The following EEPD1 variants were observed in gnomAD, a reference collection of about 807,000 sequenced individuals.
EEPD1 encodes endonuclease/exonuclease/phosphatase family domain-containing protein 1.
EEPD1 carries 17 observed loss-of-function variants against 46.3 expected under a neutral mutation model. The ratio of observed to expected loss-of-function variants is 0.37; its 90% CI spans 0.25 to 0.55. The LOEUF (loss-of-function observed/expected upper bound fraction) is 0.55. Ranked by LOEUF, EEPD1 falls within the 20% of genes least tolerant of loss-of-function variation. The probability of loss-of-function intolerance (pLI) is 0.83; values close to 1 mark genes in which losing one functional copy is unlikely to be tolerated. For missense variants in EEPD1, 673 were observed against 745.6 expected, an observed-to-expected ratio of 0.90 and a Z score of 1.13; for synonymous variants, 313 against 315.6, an observed-to-expected ratio of 0.99 and a Z score of 0.09.
At chr7:36,221,084 C>T (rs535982259) in intron 2 of EEPD1, among the ~76,000 whole-genome samples, 1 of 152,362 alleles carries the variant, frequency 6.6e-6, no homozygotes, top group South Asian at 2.1e-4. Flanking sequence ...GTTTAGATTA[C>T]AGGCGTGAGC....
intron 2 of EEPD1, among the ~76,000 whole-genome samples, chr7:36,218,623 T>C (rs1786076021): frequency 6.6e-6 from 1 of 152,090 alleles, no homozygotes; most frequent in Admixed American, 6.5e-5. Flanking sequence ...CAGTGTGAGA[T>C]TGTGAATTGT....
intron 2 of EEPD1, among the ~76,000 whole-genome samples, chr7:36,208,793 G>C (rs1171325680): frequency 1.3e-5 from 2 of 152,226 alleles, no homozygotes; most frequent in African/African-American, 4.8e-5. Context: ...ATTAGAGGCA[G>C]TGATGCTTCA....
intron 3 of EEPD1, among the ~76,000 whole-genome samples, chr7:36,247,399 A>G (rs1175667394): frequency 6.6e-6 from 1 of 152,204 alleles, no homozygotes; most frequent in Non-Finnish European, 1.5e-5. Context: ...AGTGTTATTC[A>G]CTATGATTTG....
chr7:36,177,546 C>G (rs1253609360), intron 2 of EEPD1, among the ~76,000 whole-genome samples: 2 of 152,198 alleles, frequency 1.3e-5, no homozygotes, highest in Admixed American at 6.5e-5. Flanking sequence ...CGTTAATTCA[C>G]TTAGGATAAT....
intron 6 of EEPD1, among the ~76,000 whole-genome samples, chr7:36,289,619 C>T (rs181743730): frequency 0.013 from 1,995 of 152,300 alleles, 53 homozygotes; most frequent in African/African-American, 0.046. Context: ...CTCAGCCTCC[C>T]GAGTAGCTGG....
intron 2 of EEPD1, among the ~76,000 whole-genome samples, chr7:36,226,779 A>C (rs967533777): frequency 3.9e-5 from 6 of 152,234 alleles, no homozygotes; most frequent in African/African-American, 1.4e-4. Context: ...ATAGATAGTA[A>C]CAAGAAGACT....
chr7:36,222,190 G>A (rs1335187864), intron 2 of EEPD1, among the ~76,000 whole-genome samples: 1 of 152,090 alleles, frequency 6.6e-6, no homozygotes, highest in Admixed American at 6.5e-5. Flanking sequence ...CTGATAACCT[G>A]ATAGTCAATT....
chr7:36,292,310 T>G (rs1787456260), intron 6 of EEPD1, among the ~76,000 whole-genome samples: 1 of 152,246 alleles, frequency 6.6e-6, no homozygotes, highest in Non-Finnish European at 1.5e-5. Context: ...TCCAGCTGTT[T>G]TCTCTTAGAA....
intron 6 of EEPD1, among the ~76,000 whole-genome samples, chr7:36,294,905 C>T (rs1310844694): frequency 6.6e-6 from 1 of 152,110 alleles, no homozygotes; most frequent in Non-Finnish European, 1.5e-5. Flanking sequence ...AGGTCAGGCA[C>T]GGTGGCTCAC....
At chr7:36,173,700 C>T (rs1785128798) in intron 2 of EEPD1, among the ~76,000 whole-genome samples, 1 of 152,076 alleles carries the variant, frequency 6.6e-6, no homozygotes, top group African/African-American at 2.4e-5. Context: ...GAAAATCAAC[C>T]AATACAGTCA....
intron 6 of EEPD1, among the ~76,000 whole-genome samples, chr7:36,291,333 C>T (rs1015666307): frequency 2.6e-5 from 4 of 152,222 alleles, no homozygotes; most frequent in Non-Finnish European, 5.9e-5. Context: ...ACAGCAGCCA[C>T]TTCCGTGTGG....
chr7:36,215,478 G>A (rs1240150553), intron 2 of EEPD1, among the ~76,000 whole-genome samples: 1 of 152,234 alleles, frequency 6.6e-6, no homozygotes, highest in African/African-American at 2.4e-5. Context: ...CAGATATCTA[G>A]AGGCCAACCA....
At position 36,281,168 on chromosome 7, in the gene EEPD1, G is replaced by A. The variant is rs753687138; in HGVS notation, c.984G>A (p.Gly328=). 8 of 1,614,056 alleles carry A rather than the reference G, an allele frequency of 5.0e-6. No homozygotes were observed. The South Asian group carries it at 6.6e-5, about 13-fold the overall frequency. ...TGCCCAACATCCGCAAGTGGAAGGG[G>A]CCCCGGGGATGCTGGAAGGCTGTTG... ...PTLPNIRKWK[G]PRGCWKAVVA... is the part of the protein sequence containing the mutation. Residue 328 remains glycine (G), a synonymous_variant, in exon 4 of 8, where the codon GGG becomes GGA. Coordinates refer to ENST00000242108, the MANE Select transcript of EEPD1 (RefSeq NM_030636.3).
intron 2 of EEPD1, among the ~76,000 whole-genome samples, chr7:36,201,972 G>A (rs1392573908): frequency 2.6e-5 from 4 of 152,198 alleles, no homozygotes; most frequent in Admixed American, 2.0e-4. Context: ...CCCTGGACCA[G>A]CAGCATCAGC....
chr7:36,220,477 G>A (rs1442287266), intron 2 of EEPD1, among the ~76,000 whole-genome samples: 1 of 152,154 alleles, frequency 6.6e-6, no homozygotes, highest in African/African-American at 2.4e-5. Flanking sequence ...GAACCTCATG[G>A]AAGTTCCATA....
chr7:36,189,046 AT>A (rs760455571), intron 2 of EEPD1, among the ~76,000 whole-genome samples: 37 of 152,350 alleles, frequency 2.4e-4, no homozygotes, highest in Admixed American at 1.1e-3. Flanking sequence ...GAAATTTTGA[AT>A]AGTCTGATGC....
chr7:36,297,178 G>C lies in EEPD1; in HGVS notation c.1501G>C (p.Val501Leu), dbSNP rs772596995. The change falls in exon 7 of 8, where the codon GTT becomes CTT. Residue 501 changes from valine to leucine, a missense_variant. Coordinates refer to ENST00000242108, the MANE Select transcript of EEPD1 (RefSeq NM_030636.3). The part of the protein sequence containing the change: ...NIWISKSLKK[V>L]FTGHWAVVRE... ...CTGGATCAGTAAAAGCTTAAAGAAGGTTTTCACAGGTGAGGCAGAACTCAC... is the reference window on the plus strand; with the variant it reads ...CTGGATCAGTAAAAGCTTAAAGAAGCTTTTCACAGGTGAGGCAGAACTCAC... The C allele has an allele frequency of 1.9e-6, 3 of 1,613,916 alleles. No homozygotes were observed. Among genetic ancestry groups the C allele is most frequent in the African/African-American group, 2.7e-5 (2 of 74,900 alleles).
chr7:36,193,082 TGAAGAACCCCC>T lies in EEPD1; in HGVS notation c.878+37881_878+37891del, dbSNP rs1785486966. Among the ~76,000 whole-genome samples the T allele has an allele frequency of 2.0e-5, 3 of 152,120 alleles. No homozygotes were observed. On this transcript the variant is annotated intron_variant, in intron 2 of 7. Transcript: ENST00000242108. This position sits in a 1 kb window ranked among gnomAD's most constrained non-coding sequence, Gnocchi z 4.9. ...GAAGCTGCTGGGTGCTAGTCTGCAC[TGAAGAACCCCC>T]AGCCCAGTGGGGGAGGCAAGCCGGG...
chr7:36,251,887 T>G (rs1457543427), intron 3 of EEPD1, among the ~76,000 whole-genome samples: 1 of 152,228 alleles, frequency 6.6e-6, no homozygotes, highest in Non-Finnish European at 1.5e-5. Context: ...GTTATTTGAT[T>G]TTTATAATGA....
Sources: gnomAD v4.1 joint callset for allele counts (sites outside exome capture counted in the v4.1 genomes callset) on GRCh38, gnomAD v4.1.1 for gene constraint, Gnocchi (gnomAD v3.1) non-coding constraint, MANE v1.5 for transcripts, NCBI Gene and HGNC (gene_info 2026-07-23, HGNC 2026-07-21) for gene names.